ADAMTS13: variants seen among roughly 807,000 people sequenced by gnomAD.
The protein encoded by ADAMTS13 is ADAM metallopeptidase with thrombospondin type 1 motif 13.
In ADAMTS13, 110 loss-of-function variants were observed where a neutral mutation model predicts 155.1. The observed-to-expected ratio is 0.71, with a 90% confidence interval of 0.61 to 0.83. The LOEUF (loss-of-function observed/expected upper bound fraction) is 0.83, where lower values mean the gene tolerates loss of function less well. ADAMTS13 is among the 40% of genes least tolerant of loss of function. ADAMTS13 has a pLI of 0.00. For synonymous variants in ADAMTS13, 758 were observed against 756.4 expected (o/e 1.00, Z -0.03); for missense variants, 1,707 against 1,891.7 (o/e 0.90, Z 1.81).
At chr9:133,443,694 C>A in intron 19 of ADAMTS13, 133 bp downstream of exon 19, 1 of 1,007,742 alleles carries the variant, frequency 9.9e-7, no homozygotes, top group Non-Finnish European at 1.4e-6. Flanking sequence ...GGGTGATGGG[C>A]AGTGTCACCT....
At chr9:133,429,691 C>T in intron 7 of ADAMTS13, 3 of 684,742 alleles carry the variant, frequency 4.4e-6, no homozygotes, top group South Asian at 1.5e-5. Flanking sequence ...TCTGCTCCAT[C>T]CCACTCAGAC....
intron 18 of ADAMTS13, 105 bp downstream of exon 18, chr9:133,442,848 G>A: frequency 2.7e-6 from 4 of 1,465,430 alleles, no homozygotes; most frequent in Non-Finnish European, 2.7e-6. Context: ...GGGCCGGGCT[G>A]AGCTGCTCCT....
At chr9:133,449,754 T>G in intron 22 of ADAMTS13, 29 bp from the exon 23 acceptor site, 4 of 1,612,882 alleles carry the variant, frequency 2.5e-6, no homozygotes, top group Non-Finnish European at 3.4e-6. Context: ...CTGGGGCTGT[T>G]TGGGGTCCCT....
chr9:133,438,396 G>A, intron 14 of ADAMTS13, 30 bp downstream of exon 14: 1 of 1,612,026 alleles, frequency 6.2e-7, no homozygotes, highest in Non-Finnish European at 8.5e-7. Flanking sequence ...GCAGAGGCTG[G>A]GCTTCCCCCA....
intron 11 of ADAMTS13, among the ~76,000 whole-genome samples, chr9:133,434,620 A>G (rs997659411): frequency 9.9e-5 from 15 of 152,152 alleles, no homozygotes; most frequent in Admixed American, 5.9e-4. Context: ...TTTTATTTAT[A>G]AATTGAGGTG....
chr9:133,440,300 G>T lies in ADAMTS13; in HGVS notation c.1787-44G>T. On this transcript the variant is annotated intron_variant, in intron 15 of 28. Transcript: ENST00000355699. This position sits in a 1 kb window ranked among gnomAD's most constrained non-coding sequence, Gnocchi z 4.3. Reference sequence around the variant, plus strand: ...ACTGACATGTGCCTGTGAGGAGGATGGGTGCTCAGCTCCACACAGCTAACA... The same window carrying T: ...ACTGACATGTGCCTGTGAGGAGGATTGGTGCTCAGCTCCACACAGCTAACA... 6.2e-7 allele frequency: 1 copy of T among 1,611,526 alleles called. No homozygotes were observed. Among genetic ancestry groups the T allele is most frequent in the Non-Finnish European group, 8.5e-7 (1 of 1,178,630 alleles).
chr9:133,456,932 C>T lies in ADAMTS13; in HGVS notation c.3724+213C>T, dbSNP rs587722800. The T allele has an allele frequency of 4.7e-5, 33 of 707,120 alleles. No homozygotes were observed. Among genetic ancestry groups the T allele is most frequent in the African/African-American group, 3.7e-4 (21 of 57,346 alleles). 43.8% of individuals were successfully genotyped at this position (707,120 alleles called of 1,614,324 possible). ...ATGCTATATCCCTCCTTTTTGGGAC[C>T]GTGCAGCAAGATGGACGGATGTGGG... On this transcript the variant is annotated intron_variant, in intron 27 of 28. Transcript: ENST00000355699. This position sits in a 1 kb window ranked among gnomAD's most constrained non-coding sequence, Gnocchi z 4.4.
At chr9:133,422,768 C>CA (rs1468305998) in intron 1 of ADAMTS13, among the ~76,000 whole-genome samples, 2 of 152,002 alleles carry the variant, frequency 1.3e-5, no homozygotes, top group Non-Finnish European at 2.9e-5. Flanking sequence ...GCTGAACAGA[C>CA]AGATACTAGT....
chr9:133,444,738 G>A lies in ADAMTS13; in HGVS notation c.2421-125G>A. The stretch of plus-strand genomic sequence containing the variant: ...GACCCTGAGCTTCACTTCTCTGTGG[G>A]GCTCCTCTTTGGGCTCCTGGATGTT... On this transcript the variant is annotated intron_variant, in intron 19 of 28. Coordinates refer to ENST00000355699, the MANE Select transcript of ADAMTS13 (RefSeq NM_139027.6). 5.3e-6 allele frequency: 5 copies of A among 950,336 alleles called. No individual in the cohort carries two copies. In the South Asian group the frequency reaches 7.4e-5, roughly 14 times the overall value. 58.9% of individuals were successfully genotyped at this position (950,336 alleles called of 1,614,324 possible).
At chr9:133,430,914 C>A (rs1441158683) in intron 8 of ADAMTS13, among the ~76,000 whole-genome samples, 1 of 152,152 alleles carries the variant, frequency 6.6e-6, no homozygotes, top group Non-Finnish European at 1.5e-5. Context: ...CCCGCCCTGG[C>A]CTCACAAAGT....
Position 133,440,345 on chromosome 9 carries a change from G to T in ADAMTS13, c.1788G>T (p.Ala596=). 1 of 1,614,010 alleles carries T rather than the reference G, an allele frequency of 6.2e-7. No individual in the cohort carries two copies. Among genetic ancestry groups the T allele is most frequent in the South Asian group, 1.1e-5 (1 of 91,086 alleles). The change falls in exon 16 of 29, where the codon GCG becomes GCT. Residue 596 remains alanine, a splice_region_variant and synonymous_variant. Transcript: ENST00000355699. This position sits in a 1 kb window ranked among gnomAD's most constrained non-coding sequence, Gnocchi z 4.3. Reference sequence around the variant, plus strand: ...CTAACAGGGCTGGTTCCCCGACAGCGGTGAGGATCGGAGGGCGCTATGTCG... The same window carrying T: ...CTAACAGGGCTGGTTCCCCGACAGCTGTGAGGATCGGAGGGCGCTATGTCG... ...ANHRPLFTHL[A]VRIGGRYVVA...
chr9:133,456,562 G>C lies in ADAMTS13; in HGVS notation c.3567G>C (p.Trp1189Cys), dbSNP rs782546720. 8.1e-6 allele frequency: 13 copies of C among 1,613,414 alleles called. No individual in the cohort carries two copies. The South Asian group carries it at 1.4e-4, about 18-fold the overall frequency. Residue 1189 changes from tryptophan (W) to cysteine (C), a missense_variant, in exon 27 of 29, where the codon TGG (tryptophan) becomes TGC (cysteine). Physicochemically the swap from Trp to Cys is radical, Grantham distance 215. Transcript: ENST00000355699. The surrounding 1 kb of genome is among the most constrained non-coding windows in gnomAD (Gnocchi z 4.4). ...TCCTAGGGGACATGTTGCTGCTTTG[G>C]GGCCGGCTCACCTGGAGGAAGATGT... ...NCSAGDMLLL[W>C]GRLTWRKMCR...
intron 23 of ADAMTS13, among the ~76,000 whole-genome samples, chr9:133,451,351 G>A (rs925633378): frequency 2.6e-5 from 4 of 152,110 alleles, no homozygotes; most frequent in South Asian, 2.1e-4. Context: ...TCCGCCTCCC[G>A]GGTTCAAGCC....
intron 11 of ADAMTS13, 58 bp downstream of exon 11, chr9:133,433,762 C>G: frequency 2.5e-6 from 4 of 1,583,050 alleles, no homozygotes; most frequent in Non-Finnish European, 3.4e-6. Context: ...CCTGGGGGAG[C>G]CAAAGTGACC....
At position 133,449,813 on chromosome 9, in the gene ADAMTS13, G is replaced by C. The variant is rs782683498; in HGVS notation, c.2892G>C (p.Val964=). 8.7e-6 allele frequency: 14 copies of C among 1,613,956 alleles called. No homozygotes were observed. In the East Asian group the frequency reaches 2.9e-4, roughly 33 times the overall value. Residue 964 remains valine, a synonymous_variant, in exon 23 of 29, where the codon GTG becomes GTC. Coordinates refer to ENST00000355699, the MANE Select transcript of ADAMTS13 (RefSeq NM_139027.6). ...AGTACAAGCTGGCGGCCTGCAGCGT[G>C]AGCTGTGGGAGAGGGGTCGTGCGGA... ...RWQYKLAACS[V]SCGRGVVRRI...
At chr9:133,417,319 G>C (rs1319544387), upstream of ADAMTS13, among the ~76,000 whole-genome samples, 1 of 152,322 alleles carries the variant, frequency 6.6e-6, no homozygotes, top group Middle Eastern at 3.4e-3. Flanking sequence ...GCCCGGCCTG[G>C]TTTCGGGATT....
chr9:133,448,570 G>A lies in ADAMTS13; in HGVS notation c.2732-29G>A, dbSNP rs782118971. On this transcript the variant is annotated intron_variant, in intron 21 of 28. Coordinates refer to ENST00000355699, the MANE Select transcript of ADAMTS13 (RefSeq NM_139027.6). ...AGTCCTTGCTGAGCCTGTCCCTTGG[G>A]GCTCTGGGTCTCTGCTTTGTCCACG... The A allele has an allele frequency of 4.4e-6, 7 of 1,606,880 alleles. No homozygotes were observed. In the East Asian group the frequency reaches 1.6e-4, roughly 36 times the overall value.
At chr9:133,437,582 A>C (rs1284673269) in intron 12 of ADAMTS13, among the ~76,000 whole-genome samples, 167 bp from the exon 13 acceptor site, 1 of 152,202 alleles carries the variant, frequency 6.6e-6, no homozygotes, top group Non-Finnish European at 1.5e-5. Context: ...AATACCATTA[A>C]TTATTAGATT....
At chr9:133,415,222 GCTTAT>G (rs1386504754) in intron 1 of ADAMTS13, among the ~76,000 whole-genome samples, 3 of 151,934 alleles carry the variant, frequency 2.0e-5, no homozygotes, top group Non-Finnish European at 2.9e-5. Context: ...CTGTTTCTTT[GCTTAT>G]CTTATTATAA....
Sources: gnomAD v4.1 joint callset for allele counts (sites outside exome capture counted in the v4.1 genomes callset) on GRCh38, gnomAD v4.1.1 for gene constraint, Gnocchi (gnomAD v3.1) non-coding constraint, MANE v1.5 for transcripts, NCBI Gene and HGNC (gene_info 2026-07-23, HGNC 2026-07-21) for gene names.